PCDHGB5: variants seen among roughly 807,000 people sequenced by gnomAD.
The protein encoded by PCDHGB5 is protocadherin gamma subfamily B, 5, also known as protocadherin gamma-B5.
PCDHGB5 carries 48 observed loss-of-function variants against 62.9 expected under a neutral mutation model. The observed-to-expected ratio is 0.76, with a 90% CI of 0.61 to 0.97. PCDHGB5 has a LOEUF of 0.97. PCDHGB5 is among the 50% of genes least tolerant of loss of function. The probability of loss-of-function intolerance (pLI) is 0.00; values close to 1 mark genes in which losing one functional copy is unlikely to be tolerated. For synonymous variants in PCDHGB5, 474 were observed against 511.2 expected (o/e 0.93, Z 0.98); for missense variants, 1,118 against 1,198.6 (o/e 0.93, Z 0.99).
chr5:141,459,699 A>G (rs2098973201), intron 1 of PCDHGB5, among the ~76,000 whole-genome samples: 1 of 152,218 alleles, frequency 6.6e-6, no homozygotes, highest in Non-Finnish European at 1.5e-5. Flanking sequence ...TCCGCTTGCT[A>G]CATTTTCTCA....
chr5:141,427,717 A>G (rs1038823851), intron 1 of PCDHGB5: 20 of 1,076,234 alleles, frequency 1.9e-5, no homozygotes, highest in African/African-American at 1.1e-4. Context: ...TCTGACCTGG[A>G]CCTAGGGCTG....
intron 1 of PCDHGB5, among the ~76,000 whole-genome samples, chr5:141,450,162 A>T (rs2098671900): frequency 6.6e-6 from 1 of 151,624 alleles, no homozygotes; most frequent in Admixed American, 6.6e-5. Flanking sequence ...ATGTGCCACC[A>T]CACTCCCACC....
chr5:141,444,151 G>T (rs1031944414), intron 1 of PCDHGB5, among the ~76,000 whole-genome samples: 1 of 92,746 alleles, frequency 1.1e-5, no homozygotes, highest in Non-Finnish European at 2.1e-5. Flanking sequence ...GTGTGTACTG[G>T]ATTTTTTTTT....
At chr5:141,503,555 C>T (rs1010409481) in intron 2 of PCDHGB5, among the ~76,000 whole-genome samples, 2 of 148,816 alleles carry the variant, frequency 1.3e-5, no homozygotes, top group African/African-American at 5.0e-5. Context: ...GCCGAGATCG[C>T]GCCACTGTAC....
intron 1 of PCDHGB5, chr5:141,419,364 C>T (rs1360235541): frequency 1.1e-5 from 18 of 1,613,690 alleles, no homozygotes; most frequent in Non-Finnish European, 1.3e-5. Flanking sequence ...CGAACGCTGT[C>T]GTCCTACGTG....
intron 1 of PCDHGB5, among the ~76,000 whole-genome samples, chr5:141,451,727 C>A (rs2098722766): frequency 6.6e-6 from 1 of 152,014 alleles, no homozygotes; most frequent in Admixed American, 6.6e-5. Flanking sequence ...ACTAAAAATA[C>A]AAAAATTAGC....
intron 1 of PCDHGB5, chr5:141,419,467 C>T: frequency 6.2e-7 from 1 of 1,612,476 alleles, no homozygotes; most frequent in Non-Finnish European, 8.5e-7. Context: ...AGGCCCGCGA[C>T]CAGGGCTCGC....
At chr5:141,506,240 G>A (rs918820495) in intron 3 of PCDHGB5, among the ~76,000 whole-genome samples, 8 of 152,184 alleles carry the variant, frequency 5.3e-5, no homozygotes, top group Middle Eastern at 3.4e-3. Flanking sequence ...CATGAGGTCA[G>A]GAGTTCGAAA....
At chr5:141,404,161 ATTG>A in intron 1 of PCDHGB5, 1 of 1,613,152 alleles carries the variant, frequency 6.2e-7, no homozygotes, top group South Asian at 1.1e-5. Context: ...ATTATTACAG[ATTG>A]TTGACGGCCC....
In PCDHGB5 at chr5:141,399,001, T is replaced by C; in HGVS notation, c.874T>C (p.Ser292Pro). ...YRTGQIFSLN[S>P]KSGEITTQKK... ...AACCGGGCAAATCTTTAGTCTGAAT[T>C]CAAAGAGCGGAGAAATTACCACTCA... The change falls in exon 1 of 4, where the codon TCA becomes CCA. Residue 292 changes from serine (S) to proline (P), a missense_variant. Ser to Pro is a moderately conservative substitution (Grantham distance 74). Coordinates refer to ENST00000617380, the MANE Select transcript of PCDHGB5 (RefSeq NM_018925.3). The C allele has an allele frequency of 6.2e-7, 1 of 1,613,890 alleles. No individual in the cohort carries two copies. Among genetic ancestry groups the C allele is most frequent in the Non-Finnish European group, 8.5e-7 (1 of 1,179,890 alleles).
At chr5:141,427,997 A>C (rs1471083920) in intron 1 of PCDHGB5, 2 of 1,600,232 alleles carry the variant, frequency 1.2e-6, no homozygotes, top group African/African-American at 2.7e-5. Flanking sequence ...ATGGCTCCGC[A>C]CTCTTCGATA....
chr5:141,426,394 A>G (rs1353766048), intron 1 of PCDHGB5: 1 of 258,122 alleles, frequency 3.9e-6, no homozygotes, highest in African/African-American at 2.2e-5. Flanking sequence ...CCGCTACTCT[A>G]TTCCAGAAGA....
At chr5:141,494,514 G>T (rs1457018569) in intron 1 of PCDHGB5, among the ~76,000 whole-genome samples, 2 of 152,160 alleles carry the variant, frequency 1.3e-5, no homozygotes, top group South Asian at 2.1e-4. Context: ...TTTTGGCTCA[G>T]GAGTTCTGAC....
intron 1 of PCDHGB5, among the ~76,000 whole-genome samples, chr5:141,470,256 A>G (rs1043528709): frequency 6.6e-6 from 1 of 152,228 alleles, no homozygotes; most frequent in African/African-American, 2.4e-5. Flanking sequence ...ACCTGTCTAA[A>G]TGGAGATACA....
rs200757040 is a variant in PCDHGB5, at chr5:141,431,080, C to T, written c.2397+30556C>T. 3 of 1,614,044 alleles carry T rather than the reference C, an allele frequency of 1.9e-6. No homozygotes were observed. The highest frequency in any genetic ancestry group is 2.5e-6 in the Non-Finnish European group (3 of 1,180,010). ...CCATCAAGTGTCAATTAAATCTAGA[C>T]ATTCTGATGGAGGATAAAGTGAAAA... On this transcript the variant is annotated intron_variant, in intron 1 of 3. Coordinates refer to ENST00000617380, the MANE Select transcript of PCDHGB5 (RefSeq NM_018925.3). This position sits in a 1 kb window ranked among gnomAD's most constrained non-coding sequence, Gnocchi z 4.8.
rs1027897777 is a variant in PCDHGB5, at chr5:141,510,812, C to T, written c.2546-135C>T. 151 of 1,531,674 alleles carry T rather than the reference C, an allele frequency of 9.9e-5. 1 individual carries two copies. The highest frequency in any genetic ancestry group is 2.5e-5 in the South Asian group (2 of 80,152). 94.9% of individuals were successfully genotyped at this position (1,531,674 alleles called of 1,614,324 possible). A position where few individuals can be genotyped will look rare whatever the true frequency, so the allele number is the denominator to read the frequency against. On this transcript the variant is annotated intron_variant, in intron 3 of 3. Coordinates refer to ENST00000617380, the MANE Select transcript of PCDHGB5 (RefSeq NM_018925.3). ...TGTGAAGAGAGACTACCTTGGTGAC[C>T]CCTATATTCCCAGTGCTCAGCGTGG...
rs185055424 is a variant in PCDHGB5, at chr5:141,457,894, G to A, written c.2398-36913G>A. Among the ~76,000 whole-genome samples the A allele has an allele frequency of 3.2e-3, 488 of 152,332 alleles. 1 individual carries two copies. Among genetic ancestry groups the A allele is most frequent in the Non-Finnish European group, 5.0e-3 (342 of 68,028 alleles). On this transcript the variant is annotated intron_variant, in intron 1 of 3. Transcript: ENST00000617380. ...GTTAGGAACCCTGTGTGGGGACTGT[G>A]TAGACAAGGTGTGAGGCCAGTTCTC...
chr5:141,433,054 G>A, intron 1 of PCDHGB5: 2 of 1,614,196 alleles, frequency 1.2e-6, no homozygotes, highest in Non-Finnish European at 1.7e-6. Context: ...ACTCGCGGAA[G>A]AGTCACCTGA....
chr5:141,430,994 C>T, intron 1 of PCDHGB5: 1 of 1,613,950 alleles, frequency 6.2e-7, no homozygotes, highest in East Asian at 2.2e-5. Context: ...CGCCCTGAAT[C>T]CGCGCAGCGG....
Sources: gnomAD v4.1 joint callset for allele counts (sites outside exome capture counted in the v4.1 genomes callset) on GRCh38, gnomAD v4.1.1 for gene constraint, Gnocchi (gnomAD v3.1) non-coding constraint, MANE v1.5 for transcripts, NCBI Gene and HGNC (gene_info 2026-07-23, HGNC 2026-07-21) for gene names.